The following CADM2 variants were observed in gnomAD, a reference collection of about 807,000 sequenced individuals.
CADM2 encodes the protein cell adhesion molecule 2.
CADM2 carries 12 observed loss-of-function variants against 49.8 expected under a neutral mutation model. That is an observed-to-expected ratio of 0.24 (90% CI 0.15 to 0.39). The LOEUF is 0.39. CADM2 is among the 10% of genes least tolerant of loss of function. The probability of loss-of-function intolerance (pLI) is 1.00; values close to 1 mark genes in which losing one functional copy is unlikely to be tolerated. For synonymous variants in CADM2, 214 were observed against 175.4 expected (o/e 1.22, Z -1.74); for missense variants, 378 against 492.3 (o/e 0.77, Z 2.20).
chr3:85,089,996 A>C (rs1247279857), intron 1 of CADM2, among the ~76,000 whole-genome samples: 2 of 152,064 alleles, frequency 1.3e-5, no homozygotes, highest in Non-Finnish European at 2.9e-5. Flanking sequence ...GAATTTCTAG[A>C]TGTTAACATT....
intron 7 of CADM2, among the ~76,000 whole-genome samples, chr3:85,954,647 G>C (rs1723825265): frequency 6.6e-6 from 1 of 151,082 alleles, no homozygotes; most frequent in African/African-American, 2.4e-5. Context: ...CTACCCAAAG[G>C]GGAAATGCCT....
chr3:85,715,650 C>T (rs1443002840), intron 1 of CADM2, among the ~76,000 whole-genome samples: 1 of 152,114 alleles, frequency 6.6e-6, no homozygotes, highest in East Asian at 1.9e-4. Flanking sequence ...TGCTATCCCT[C>T]CCCTTGCCCT....
intron 1 of CADM2, among the ~76,000 whole-genome samples, chr3:85,118,993 T>C (rs6788656): frequency 0.61 from 92,112 of 151,964 alleles, 28,835 homozygotes; most frequent in African/African-American, 0.66. Flanking sequence ...AGGTGATCCA[T>C]CCATCTTGGC....
intron 3 of CADM2, among the ~76,000 whole-genome samples, chr3:85,810,902 C>T (rs1311461827): frequency 6.6e-6 from 1 of 152,058 alleles, no homozygotes; most frequent in Non-Finnish European, 1.5e-5. Context: ...ATTGGCAATT[C>T]TTTAAACATA....
At chr3:85,506,406 C>G (rs1010405700) in intron 1 of CADM2, among the ~76,000 whole-genome samples, 3 of 152,084 alleles carry the variant, frequency 2.0e-5, no homozygotes, top group African/African-American at 7.2e-5. Flanking sequence ...TGAATTGGAC[C>G]AGGACATGCA....
intron 8 of CADM2, among the ~76,000 whole-genome samples, chr3:85,978,110 T>C (rs1727018392): frequency 6.6e-6 from 1 of 151,650 alleles, no homozygotes; most frequent in African/African-American, 2.4e-5. Flanking sequence ...TATTGGTAAT[T>C]TGGAAACTGT....
At chr3:85,502,974 G>GA (rs145732439) in intron 1 of CADM2, among the ~76,000 whole-genome samples, 5 of 151,732 alleles carry the variant, frequency 3.3e-5, no homozygotes, top group African/African-American at 1.2e-4. Context: ...GATTGTAAAA[G>GA]AAAAAAAGAT....
chr3:85,354,266 A>G (rs114415702), intron 1 of CADM2, among the ~76,000 whole-genome samples: 2,002 of 149,264 alleles, frequency 0.013, 48 homozygotes, highest in African/African-American at 0.047. Context: ...GTCGAAATAA[A>G]TCATATCAAA....
chr3:85,622,729 C>A (rs2064011856), intron 1 of CADM2, among the ~76,000 whole-genome samples: 1 of 152,120 alleles, frequency 6.6e-6, no homozygotes, highest in Non-Finnish European at 1.5e-5. Context: ...CCCAGCCCCG[C>A]TACCCCTATG....
intron 7 of CADM2, among the ~76,000 whole-genome samples, chr3:85,937,810 T>A (rs984975565): frequency 6.6e-6 from 1 of 151,968 alleles, no homozygotes; most frequent in Non-Finnish European, 1.5e-5. Flanking sequence ...TTCTTAACCA[T>A]ATAAAAATCT....
At chr3:85,568,057 C>T (rs2062320958) in intron 1 of CADM2, among the ~76,000 whole-genome samples, 1 of 152,184 alleles carries the variant, frequency 6.6e-6, no homozygotes, top group South Asian at 2.1e-4. Context: ...AGTCAAATGC[C>T]AGTCTCTTCC....
At chr3:85,249,491 A>G (rs1355353823) in intron 1 of CADM2, among the ~76,000 whole-genome samples, 2 of 151,988 alleles carry the variant, frequency 1.3e-5, no homozygotes, top group African/African-American at 2.4e-5. Flanking sequence ...TGCACAGACT[A>G]TGTGATGGCT....
intron 1 of CADM2, among the ~76,000 whole-genome samples, chr3:85,514,159 A>G (rs2060839907): frequency 6.6e-6 from 1 of 152,016 alleles, no homozygotes; most frequent in African/African-American, 2.4e-5. Context: ...GGATTAATGA[A>G]AACACAACAA....
At chr3:85,750,780 C>T (rs1194000126) in intron 2 of CADM2, among the ~76,000 whole-genome samples, 1 of 151,674 alleles carries the variant, frequency 6.6e-6, no homozygotes, top group Admixed American at 6.6e-5. Context: ...TGACTAGTTT[C>T]CTAAGCTAGG....
At chr3:85,157,199 C>G (rs928765586) in intron 1 of CADM2, among the ~76,000 whole-genome samples, 3 of 151,994 alleles carry the variant, frequency 2.0e-5, no homozygotes, top group African/African-American at 7.3e-5. Context: ...AGGATACAAA[C>G]AAATGGAAGT....
intron 1 of CADM2, among the ~76,000 whole-genome samples, chr3:85,309,972 A>G (rs536044830): frequency 6.6e-6 from 1 of 152,180 alleles, no homozygotes; most frequent in Non-Finnish European, 1.5e-5. Flanking sequence ...TTTTGTGTTT[A>G]ATGTTCCTTA....
rs1200454003 is a variant in CADM2 at position 85,307,377 on chromosome 3, T to C, written c.61+347709T>C. 6.6e-5 allele frequency among the ~76,000 whole-genome samples: 10 copies of C among 151,812 alleles called. No homozygotes were observed. In the East Asian group the frequency reaches 1.5e-3, roughly 23 times the overall value. ...CTTGGCCTGATGAAAGAGTGAGCTA[T>C]TCATACATTCACTACTGAAATTATT... On this transcript the variant is annotated intron_variant, in intron 1 of 9. Coordinates refer to ENST00000383699, the MANE Select transcript of CADM2 (RefSeq NM_001167675.2).
intron 1 of CADM2, among the ~76,000 whole-genome samples, chr3:85,361,666 C>T (rs1445896212): frequency 2.0e-5 from 3 of 152,130 alleles, no homozygotes; most frequent in Admixed American, 1.3e-4. Context: ...AAGTTCCTTT[C>T]CTCTTGCAGC....
intron 1 of CADM2, among the ~76,000 whole-genome samples, chr3:85,620,569 G>A (rs187401676): frequency 6.6e-6 from 1 of 152,002 alleles, no homozygotes; most frequent in East Asian, 1.9e-4. Context: ...TGTAAATACT[G>A]ATTCTTTATT....
Sources: gnomAD v4.1 joint callset for allele counts (sites outside exome capture counted in the v4.1 genomes callset) on GRCh38, gnomAD v4.1.1 for gene constraint, MANE v1.5 for transcripts, NCBI Gene and HGNC (gene_info 2026-07-23, HGNC 2026-07-21) for gene names.